MAP3K4: variants seen among roughly 807,000 people sequenced by gnomAD.
MAP3K4 encodes the protein MAP three kinase 1.
MAP3K4 carries 67 observed loss-of-function variants against 185.6 expected under a neutral mutation model. The observed-to-expected ratio is 0.36, with a 90% CI of 0.30 to 0.44. The LOEUF is 0.44. Ranked by LOEUF, MAP3K4 falls within the 20% of genes least tolerant of loss-of-function variation. MAP3K4 has a pLI of 1.00. For synonymous variants in MAP3K4, 702 were observed against 710.4 expected, an observed-to-expected ratio of 0.99 and a Z score of 0.19; for missense variants, 1,551 against 1,995.1, an observed-to-expected ratio of 0.78 and a Z score of 4.24.
intron 1 of MAP3K4, among the ~76,000 whole-genome samples, chr6:161,003,665 C>T (rs1056617229): frequency 3.3e-5 from 5 of 152,052 alleles, no homozygotes; most frequent in African/African-American, 7.2e-5. Context: ...CAAGGTAGAA[C>T]GAAAACCTAT....
intron 3 of MAP3K4, among the ~76,000 whole-genome samples, chr6:161,050,525 G>A (rs984911596): frequency 3.3e-5 from 5 of 152,258 alleles, no homozygotes; most frequent in African/African-American, 9.6e-5. Context: ...TAAAGTGTTC[G>A]GTGCAGGTGA....
chr6:161,069,523 T>G (rs1342558120), intron 3 of MAP3K4, among the ~76,000 whole-genome samples: 1 of 152,078 alleles, frequency 6.6e-6, no homozygotes, highest in Non-Finnish European at 1.5e-5. Context: ...GACTAGGTCA[T>G]GGAGGGTCTT....
Position 161,110,668 on chromosome 6 carries a change from C to T in MAP3K4, c.4396+754C>T, listed in dbSNP as rs1778305453. Among the ~76,000 whole-genome samples, 1 of 152,108 alleles carries T rather than the reference C, an allele frequency of 6.6e-6. No homozygotes were observed. Among genetic ancestry groups the T allele is most frequent in the Non-Finnish European group, 1.5e-5 (1 of 68,022 alleles). ...CCTGACTTCTGACCAGGGACAAGAC[C>T]CAGTGTGGGAGGTTATTTTGGATTA... On this transcript the variant is annotated intron_variant, in intron 23 of 26. Transcript: ENST00000392142. The surrounding 1 kb of genome is among the most constrained non-coding windows in gnomAD (Gnocchi z 4.8).
rs562233990 is a variant in MAP3K4, at chr6:161,048,115, A to G, written c.344-501A>G. ...TATGAGAATAATCTTAGGGTGCCTT[A>G]AGTATTCTTGCATCAATGTGCCTAA... On this transcript the variant is annotated intron_variant, in intron 2 of 26. Coordinates refer to ENST00000392142, the MANE Select transcript of MAP3K4 (RefSeq NM_005922.4). The surrounding 1 kb of genome is among the most constrained non-coding windows in gnomAD (Gnocchi z 4.7). 1 of 401,614 alleles carries G rather than the reference A, an allele frequency of 2.5e-6. No individual in the cohort carries two copies. Among genetic ancestry groups the G allele is most frequent in the Admixed American group, 2.9e-5 (1 of 34,026 alleles). 24.9% of individuals were successfully genotyped at this position (401,614 alleles called of 1,614,324 possible).
At chr6:161,094,738 C>T (rs1028568797) in intron 15 of MAP3K4, among the ~76,000 whole-genome samples, 3 of 152,072 alleles carry the variant, frequency 2.0e-5, no homozygotes, top group Non-Finnish European at 4.4e-5. Flanking sequence ...CTCTTTTTCT[C>T]CCAAGGTTGT....
rs1434916625 is a variant in MAP3K4, at chr6:161,074,742, TG to T, written c.2097+1134del. On this transcript the variant is annotated intron_variant, in intron 5 of 26. Transcript: ENST00000392142. This position sits in a 1 kb window ranked among gnomAD's most constrained non-coding sequence, Gnocchi z 5.0. ...AATAATAAAACTGTATCGTTGTAGG[TG>T]GGGTGCATTCATTCTTGCTTAACAT... Among the ~76,000 whole-genome samples the T allele has an allele frequency of 1.3e-5, 2 of 152,206 alleles. No individual in the cohort carries two copies. The highest frequency in any genetic ancestry group is 2.9e-5 in the Non-Finnish European group (2 of 68,028).
At chr6:161,099,187 T>A (rs919155972) in intron 17 of MAP3K4, among the ~76,000 whole-genome samples, 2 of 152,148 alleles carry the variant, frequency 1.3e-5, no homozygotes, top group Admixed American at 6.5e-5. Flanking sequence ...CAAACCAAAC[T>A]ATGTAGATTG....
chr6:161,111,895 G>A lies in MAP3K4; in HGVS notation c.4456G>A (p.Val1486Ile), dbSNP rs748425960. 1 of 1,614,120 alleles carries A rather than the reference G, an allele frequency of 6.2e-7. No individual in the cohort carries two copies. Among genetic ancestry groups the A allele is most frequent in the Non-Finnish European group, 8.5e-7 (1 of 1,179,998 alleles). Reference sequence around the variant, plus strand: ...CAAACTGGGAGATTTTGGATGTTCAGTAAAGCTCAAAAACAATGCCCAGAC... The same window carrying A: ...CAAACTGGGAGATTTTGGATGTTCAATAAAGCTCAAAAACAATGCCCAGAC... ...LIKLGDFGCS[V>I]KLKNNAQTMP... The change falls in exon 24 of 27, where the codon GTA (valine) becomes ATA (isoleucine). Residue 1486 changes from valine (V) to isoleucine (I), a missense_variant. By Grantham distance (29) the Val-to-Ile change is conservative (BLOSUM62 3). Transcript: ENST00000392142.
intron 3 of MAP3K4, among the ~76,000 whole-genome samples, chr6:161,062,943 T>G (rs1202579870): frequency 6.6e-6 from 1 of 152,156 alleles, no homozygotes; most frequent in Non-Finnish European, 1.5e-5. Context: ...TTTGCTTCAC[T>G]GACTCAGTTC....
rs1777600453 is a variant in MAP3K4 at position 161,096,959 on chromosome 6, T to G, written c.3428-121T>G. 1 of 656,028 alleles carries G rather than the reference T, an allele frequency of 1.5e-6. No individual in the cohort carries two copies. Among genetic ancestry groups the G allele is most frequent in the African/African-American group, 1.8e-5 (1 of 55,546 alleles). 40.6% of individuals were successfully genotyped at this position (656,028 alleles called of 1,614,324 possible). On this transcript the variant is annotated intron_variant, in intron 15 of 26. Coordinates refer to ENST00000392142, the MANE Select transcript of MAP3K4 (RefSeq NM_005922.4). The surrounding 1 kb of genome is among the most constrained non-coding windows in gnomAD (Gnocchi z 4.9). ...TAATATTATTTTTTACTTATATAAATGGACTTACCTTGGTCATTGGCCAGA... is the reference window on the plus strand; with the variant it reads ...TAATATTATTTTTTACTTATATAAAGGGACTTACCTTGGTCATTGGCCAGA...
At chr6:161,016,252 G>T (rs1782105125) in intron 1 of MAP3K4, among the ~76,000 whole-genome samples, 1 of 151,878 alleles carries the variant, frequency 6.6e-6, no homozygotes, top group Non-Finnish European at 1.5e-5. Context: ...CTTTATATAA[G>T]TCTCTTATTA....
At chr6:161,045,619 C>G (rs1364513040) in intron 2 of MAP3K4, among the ~76,000 whole-genome samples, 1 of 152,120 alleles carries the variant, frequency 6.6e-6, no homozygotes, top group African/African-American at 2.4e-5. Flanking sequence ...CTATTAAAGT[C>G]ATTTAATCCT....
chr6:161,054,303 C>T lies in MAP3K4; in HGVS notation c.1707+4324C>T, dbSNP rs112676978. The stretch of plus-strand genomic sequence containing the variant: ...CGGAGTAGCTGGGATTACAGGCATG[C>T]GCCACTATGCCTGGCTAATTTTTGT... On this transcript the variant is annotated intron_variant, in intron 3 of 26. Coordinates refer to ENST00000392142, the MANE Select transcript of MAP3K4 (RefSeq NM_005922.4). The surrounding 1 kb of genome is among the most constrained non-coding windows in gnomAD (Gnocchi z 4.2). 0.037 allele frequency among the ~76,000 whole-genome samples: 5,563 copies of T among 152,088 alleles called. 153 individuals are homozygous for T. Among genetic ancestry groups the T allele is most frequent in the Admixed American group, 0.056 (858 of 15,282 alleles).
chr6:161,032,118 T>C (rs1355166793), intron 1 of MAP3K4, among the ~76,000 whole-genome samples: 1 of 152,234 alleles, frequency 6.6e-6, no homozygotes, highest in African/African-American at 2.4e-5. Context: ...TCAAAAGTAA[T>C]AAAATATAGT....
At chr6:161,069,161 G>C (rs1784826834) in intron 3 of MAP3K4, among the ~76,000 whole-genome samples, 1 of 152,180 alleles carries the variant, frequency 6.6e-6, no homozygotes, top group Admixed American at 6.5e-5. Context: ...AACCCTGAGA[G>C]ACTACTCAGT....
At position 161,093,181 on chromosome 6, in the gene MAP3K4, A is replaced by G; in HGVS notation, c.3348+125A>G. 2 of 637,556 alleles carry G rather than the reference A, an allele frequency of 3.1e-6. No individual in the cohort carries two copies. The highest frequency in any genetic ancestry group is 2.8e-5 in the East Asian group (1 of 35,490). The allele number at this position is 637,556 out of a possible 1,614,324, so 39.5% of individuals were successfully genotyped here. ...AGATATTAATCTCAGCATATCATGT[A>G]ATGATAATGCTGAGAAATTAAAGTA... is the stretch of plus-strand genomic sequence containing the variant. On this transcript the variant is annotated intron_variant, in intron 14 of 26. Coordinates refer to ENST00000392142, the MANE Select transcript of MAP3K4 (RefSeq NM_005922.4). The surrounding 1 kb of genome is among the most constrained non-coding windows in gnomAD (Gnocchi z 5.2).
At chr6:161,013,791 G>C (rs1281745162) in intron 1 of MAP3K4, among the ~76,000 whole-genome samples, 1 of 152,202 alleles carries the variant, frequency 6.6e-6, no homozygotes, top group African/African-American at 2.4e-5. Flanking sequence ...TGTAAATTAA[G>C]GGGCAGTTTA....
In MAP3K4 at chr6:161,097,136, C is replaced by T; in HGVS notation, c.3484C>T (p.Pro1162Ser). 1.9e-6 allele frequency: 3 copies of T among 1,614,184 alleles called. No individual in the cohort carries two copies. The highest frequency in any genetic ancestry group is 2.5e-6 in the Non-Finnish European group (3 of 1,180,036). ...GGTACCTCGATGCCATAGTGACCCT[C>T]CTAACCCACACCTCATTATCCCCAC... ...MKVPRCHSDP[P>S]NPHLIIPTPE... is the part of the protein sequence containing the mutation. The change falls in exon 16 of 27, where the codon CCT becomes TCT. Residue 1162 changes from proline (P) to serine (S), a missense_variant. Around this residue, in one of 16 missense-constraint regions of MAP3K4, gnomAD observed 272 missense variants for 301.2 expected, o/e 0.90. Coordinates refer to ENST00000392142, the MANE Select transcript of MAP3K4 (RefSeq NM_005922.4). This position sits in a 1 kb window ranked among gnomAD's most constrained non-coding sequence, Gnocchi z 4.9.
At chr6:161,045,140 C>A (rs1025253048) in intron 2 of MAP3K4, among the ~76,000 whole-genome samples, 1 of 151,936 alleles carries the variant, frequency 6.6e-6, no homozygotes, top group African/African-American at 2.4e-5. Context: ...ATTTTAAGTT[C>A]GAATTGCGTC....
Sources: allele counts gnomAD v4.1 joint callset (sites outside exome capture counted in the v4.1 genomes callset), GRCh38; gene constraint gnomAD v4.1.1; regional missense constraint gnomAD v4.1.1; non-coding constraint Gnocchi (gnomAD v3.1); transcripts MANE v1.5; gene names NCBI Gene and HGNC (gene_info 2026-07-23, HGNC 2026-07-21).